SLC8A1: variants seen among roughly 807,000 people sequenced by gnomAD.
SLC8A1 encodes the protein solute carrier family 8 member A1, also known as sodium/calcium exchanger 1.
SLC8A1 carries 18 observed loss-of-function variants against 68.3 expected under a neutral mutation model. That is an observed-to-expected ratio of 0.26 (90% CI 0.18 to 0.39). The LOEUF (loss-of-function observed/expected upper bound fraction) is 0.39. SLC8A1 is among the 10% of genes least tolerant of loss of function. SLC8A1 has a pLI of 1.00. For missense variants in SLC8A1, 985 were observed against 1,156.7 expected, an observed-to-expected ratio of 0.85 and a Z score of 2.15; for synonymous variants, 475 against 415.5, an observed-to-expected ratio of 1.14 and a Z score of -1.74.
At chr2:40,159,940 A>C (rs1246229158) in intron 6 of SLC8A1, among the ~76,000 whole-genome samples, 1 of 152,158 alleles carries the variant, frequency 6.6e-6, no homozygotes, top group Non-Finnish European at 1.5e-5. Flanking sequence ...CTTGGGAATC[A>C]CTACGTATTT....
intron 2 of SLC8A1, among the ~76,000 whole-genome samples, chr2:40,386,464 G>C (rs1410658395): frequency 6.6e-6 from 1 of 150,402 alleles, no homozygotes; most frequent in Admixed American, 6.6e-5. Context: ...TCTCACCAAA[G>C]AATGAATGCA....
intron 2 of SLC8A1, among the ~76,000 whole-genome samples, chr2:40,377,164 G>C (rs1004626975): frequency 6.6e-6 from 1 of 152,058 alleles, no homozygotes; most frequent in Non-Finnish European, 1.5e-5. Context: ...AGCCTAATCA[G>C]GTAACCCATT....
chr2:40,239,188 G>C (rs1427467015), intron 2 of SLC8A1, among the ~76,000 whole-genome samples: 3 of 152,036 alleles, frequency 2.0e-5, no homozygotes, highest in Non-Finnish European at 2.9e-5. Context: ...ATGCAAAAAG[G>C]GGCATAAAGT....
intron 2 of SLC8A1, among the ~76,000 whole-genome samples, chr2:40,221,027 G>T (rs1348203320): frequency 6.6e-6 from 1 of 152,088 alleles, no homozygotes; most frequent in Non-Finnish European, 1.5e-5. Context: ...CTCATTTTAT[G>T]AGGCCAGCAT....
intron 2 of SLC8A1, among the ~76,000 whole-genome samples, chr2:40,421,129 TCAC>T (rs1285396332): frequency 6.6e-6 from 1 of 151,800 alleles, no homozygotes; most frequent in African/African-American, 2.4e-5. Flanking sequence ...TCCAACACTA[TCAC>T]CACCAACACC....
chr2:40,275,348 T>C (rs1380906431), intron 2 of SLC8A1, among the ~76,000 whole-genome samples: 6 of 152,244 alleles, frequency 3.9e-5, no homozygotes. Context: ...ATCCTTAACT[T>C]ATGTTAAGGA....
chr2:40,132,248 C>T (rs1255097297), intron 7 of SLC8A1, among the ~76,000 whole-genome samples: 1 of 152,132 alleles, frequency 6.6e-6, no homozygotes, highest in Non-Finnish European at 1.5e-5. Flanking sequence ...ATTATAAAAA[C>T]GAGAGATAAC....
intron 1 of SLC8A1, among the ~76,000 whole-genome samples, chr2:40,448,291 G>C (rs1701820126): frequency 1.3e-5 from 2 of 152,122 alleles, no homozygotes; most frequent in South Asian, 2.1e-4. Context: ...GAGAGAAAGA[G>C]AGAAAAAGAG....
At chr2:40,240,613 A>G (rs2061090366) in intron 2 of SLC8A1, among the ~76,000 whole-genome samples, 1 of 152,254 alleles carries the variant, frequency 6.6e-6, no homozygotes, top group Non-Finnish European at 1.5e-5. Flanking sequence ...TTGTATAAAT[A>G]CACAGATATA....
At chr2:40,352,808 C>T (rs6544322) in intron 2 of SLC8A1, among the ~76,000 whole-genome samples, 145,691 of 152,292 alleles carry the variant, frequency 0.96, 69,762 homozygotes, top group East Asian at 1. Flanking sequence ...ACCAGGATTC[C>T]ACGTTACTAA....
chr2:40,379,674 T>C lies in SLC8A1; in HGVS notation c.1808+48799A>G, dbSNP rs145073007. 1.1e-3 allele frequency among the ~76,000 whole-genome samples: 170 copies of C among 152,052 alleles called. 4 individuals carry two copies. In the East Asian group the frequency reaches 0.028, roughly 25 times the overall value. ...TTTTTTTCCCTGCAGAGAATGTGTC[T>C]GTTTACCGCATCACCATCACCTTTG... On this transcript the variant is annotated intron_variant, in intron 2 of 7. Coordinates refer to ENST00000406785, the Ensembl canonical transcript of SLC8A1.
chr2:40,385,110 T>G (rs1048052478), intron 2 of SLC8A1, among the ~76,000 whole-genome samples: 1 of 152,114 alleles, frequency 6.6e-6, no homozygotes, highest in African/African-American at 2.4e-5. Flanking sequence ...TATAGTACTT[T>G]TGATCCTGTA....
intron 2 of SLC8A1, among the ~76,000 whole-genome samples, chr2:40,288,014 G>C (rs2068625088): frequency 6.6e-6 from 1 of 152,072 alleles, no homozygotes; most frequent in Admixed American, 6.6e-5. Flanking sequence ...TGGTCCTTTG[G>C]CTTGGAAACC....
At chr2:40,136,700 G>A (rs1428112647) in intron 7 of SLC8A1, among the ~76,000 whole-genome samples, 3 of 152,106 alleles carry the variant, frequency 2.0e-5, no homozygotes, top group African/African-American at 7.2e-5. Context: ...TTGTCACCTA[G>A]AAACAATAGC....
Position 40,482,068 on chromosome 2 carries a change from T to A in SLC8A1, c.-25+30281A>T, listed in dbSNP as rs371117312. 1.4e-4 allele frequency among the ~76,000 whole-genome samples: 21 copies of A among 152,350 alleles called. No homozygotes were observed. The East Asian group carries it at 1.5e-3, about 11-fold the overall frequency. ...AAGGTCCCAAGCTCCTGCATTTTTT[T>A]AAAATACATATTTTATTGTGGTAAG... On this transcript the variant is annotated intron_variant, in intron 1 of 7. Transcript: ENST00000402441.
intron 2 of SLC8A1, among the ~76,000 whole-genome samples, chr2:40,402,315 T>C (rs1215878448): frequency 2.6e-5 from 4 of 152,148 alleles, no homozygotes; most frequent in African/African-American, 9.7e-5. Context: ...GGGAGAACCC[T>C]CAGTTCCAAG....
chr2:40,354,585 T>C (rs774386219), intron 2 of SLC8A1, among the ~76,000 whole-genome samples: 4 of 152,204 alleles, frequency 2.6e-5, no homozygotes, highest in Non-Finnish European at 5.9e-5. Flanking sequence ...AAGGTGACTC[T>C]ACAGAGCACA....
At chr2:40,139,576 G>A (rs1021237955) in exon 7 of SLC8A1, 58 of 1,614,050 alleles carry the variant, frequency 3.6e-5, no homozygotes, top group Non-Finnish European at 4.8e-5. Context: ...GGGGGACGAA[G>A]GCAAACAGGA....
At chr2:40,364,383 G>A (rs376427727) in intron 2 of SLC8A1, among the ~76,000 whole-genome samples, 2 of 151,440 alleles carry the variant, frequency 1.3e-5, no homozygotes, top group African/African-American at 2.4e-5. Flanking sequence ...TGTATGTTTA[G>A]GGTAATACAC....
Sources: allele counts gnomAD v4.1 joint callset (sites outside exome capture counted in the v4.1 genomes callset), GRCh38; gene constraint gnomAD v4.1.1; transcripts MANE v1.5; gene names NCBI Gene and HGNC (gene_info 2026-07-23, HGNC 2026-07-21).